The following RBMS1 variants were observed in gnomAD, a reference collection of about 807,000 sequenced individuals.
The protein encoded by RBMS1 is RNA-binding motif, single-stranded-interacting protein 1.
A neutral mutation model predicts 62.3 loss-of-function variants in RBMS1; 17 were observed. That is an observed-to-expected ratio of 0.27 (90% CI 0.19 to 0.41). The LOEUF (loss-of-function observed/expected upper bound fraction) is 0.41. Among genes scored for constraint, RBMS1 ranks in the 10% least tolerant of loss-of-function variants. The pLI, the probability that RBMS1 is intolerant of heterozygous loss-of-function variation, is 1.00. For missense variants in RBMS1, 334 were observed against 504.5 expected, an observed-to-expected ratio of 0.66 and a Z score of 3.24; for synonymous variants, 172 against 170.0, an observed-to-expected ratio of 1.01 and a Z score of -0.09.
intron 1 of RBMS1, among the ~76,000 whole-genome samples, chr2:160,370,321 CA>C (rs1372825893): frequency 6.6e-6 from 1 of 152,072 alleles, no homozygotes; most frequent in Non-Finnish European, 1.5e-5. Context: ...TTTTTAAACC[CA>C]AGATTACGTT....
chr2:160,393,341 C>T (rs1396034677), intron 1 of RBMS1, among the ~76,000 whole-genome samples: 1 of 152,232 alleles, frequency 6.6e-6, no homozygotes, highest in Non-Finnish European at 1.5e-5. Context: ...TATACACTTG[C>T]TCCATACTCT....
At position 160,420,036 on chromosome 2, in the gene RBMS1, G is replaced by A. The variant is rs139648860; in HGVS notation, c.76-52645C>T. On this transcript the variant is annotated intron_variant, in intron 1 of 13. Coordinates refer to ENST00000348849, the MANE Select transcript of RBMS1 (RefSeq NM_016836.4). ...TCCATATCTTTTATGGAGTTTTCTC[G>A]AGCTTGAACTGCTGGAACTCTTCTG... Among the ~76,000 whole-genome samples the A allele has an allele frequency of 8.3e-3, 1,258 of 152,154 alleles. 20 individuals carry two copies. The highest frequency in any genetic ancestry group is 0.027 in the African/African-American group (1,115 of 41,522).
At chr2:160,382,184 C>T (rs1189279290) in intron 1 of RBMS1, among the ~76,000 whole-genome samples, 3 of 152,270 alleles carry the variant, frequency 2.0e-5, no homozygotes, top group East Asian at 1.9e-4. Context: ...ACACCTCCAG[C>T]GTATAAGGAG....
chr2:160,348,008 C>T (rs868015732), intron 2 of RBMS1, among the ~76,000 whole-genome samples: 3 of 151,760 alleles, frequency 2.0e-5, no homozygotes, highest in Non-Finnish European at 4.4e-5. Flanking sequence ...TATTTCCGAG[C>T]TTTGACCATT....
intron 9 of RBMS1, chr2:160,281,792 C>T (rs1260268620): frequency 3.3e-5 from 6 of 180,762 alleles, no homozygotes; most frequent in African/African-American, 7.2e-5. Flanking sequence ...AGAAGCTAAC[C>T]CTTAAAGTAT....
At chr2:160,461,931 G>A (rs1239051572) in intron 1 of RBMS1, among the ~76,000 whole-genome samples, 2 of 152,170 alleles carry the variant, frequency 1.3e-5, no homozygotes, top group East Asian at 1.9e-4. Context: ...GCAGACTGTC[G>A]AGTAGAATCA....
At position 160,493,714 on chromosome 2, in the gene RBMS1, C is replaced by A. The variant is rs1446336803; in HGVS notation, c.-351G>T. The stretch of plus-strand genomic sequence containing the variant: ...CAAGGGCTGGCGCGCTGGCCGCGGT[C>A]CGCTCGGGCGAGCCGGCTGCGCGGG... On this transcript the variant is annotated 5_prime_UTR_variant, in exon 1 of 14. Coordinates refer to ENST00000348849, the MANE Select transcript of RBMS1 (RefSeq NM_016836.4). 1 of 366,174 alleles carries A rather than the reference C, an allele frequency of 2.7e-6. No individual in the cohort carries two copies. The highest frequency in any genetic ancestry group is 2.9e-5 in the South Asian group (1 of 34,716). The allele number at this position is 366,174 out of a possible 1,614,324, so 22.7% of individuals were successfully genotyped here.
intron 9 of RBMS1, chr2:160,282,040 G>A: frequency 2.9e-6 from 1 of 339,000 alleles, no homozygotes; most frequent in Non-Finnish European, 5.8e-6. Flanking sequence ...TTTGTGGCAG[G>A]AAAGAAAGCA....
At chr2:160,289,188 C>G (rs925397378) in intron 6 of RBMS1, among the ~76,000 whole-genome samples, 1 of 152,072 alleles carries the variant, frequency 6.6e-6, no homozygotes, top group Non-Finnish European at 1.5e-5. Flanking sequence ...GGAGTGATGA[C>G]ATGTTTGCAA....
chr2:160,426,294 G>GAAA, intron 1 of RBMS1, among the ~76,000 whole-genome samples: 1 of 66,226 alleles, frequency 1.5e-5, no homozygotes, highest in East Asian at 4.2e-4. Context: ...AGAAAGAAAA[G>GAAA]AAAGAAGGAA....
chr2:160,303,519 T>C lies in RBMS1; in HGVS notation c.403-32A>G, dbSNP rs1275124336. On this transcript the variant is annotated intron_variant, in intron 4 of 13. Transcript: ENST00000348849. ...CAGAAGAGAGTGTTGTCCATTAATT[T>C]CCAACAGAAGGTGAGATATTTATGT... 15 of 1,573,322 alleles carry C rather than the reference T, an allele frequency of 9.5e-6. No homozygotes were observed. In the Admixed American group the frequency reaches 2.7e-4, roughly 28 times the overall value.
intron 1 of RBMS1, among the ~76,000 whole-genome samples, chr2:160,448,442 G>A (rs941082056): frequency 2.0e-5 from 3 of 152,224 alleles, no homozygotes; most frequent in Admixed American, 6.5e-5. Context: ...TTGCAGGCGC[G>A]CGCAGCCACG....
At chr2:160,360,490 T>C (rs1693066217) in intron 2 of RBMS1, among the ~76,000 whole-genome samples, 2 of 152,204 alleles carry the variant, frequency 1.3e-5, no homozygotes, top group Non-Finnish European at 2.9e-5. Context: ...TTAGTCAAGA[T>C]GCTAACAATA....
intron 1 of RBMS1, among the ~76,000 whole-genome samples, chr2:160,414,302 T>C (rs577957070): frequency 3.3e-5 from 5 of 152,172 alleles, no homozygotes; most frequent in Non-Finnish European, 7.4e-5. Context: ...CCAGTTTTTT[T>C]GTTTTTTTGT....
At position 160,318,229 on chromosome 2, in the gene RBMS1, TAAAAAAAAAAAAAAA is replaced by T. The variant is rs5835799; in HGVS notation, c.252-17_252-3del. On this transcript the variant is annotated splice_polypyrimidine_tract_variant and splice_region_variant and intron_variant, in intron 2 of 13. Coordinates refer to ENST00000348849, the MANE Select transcript of RBMS1 (RefSeq NM_016836.4). ...TTTGTGGAGACTATTTTCCCATATC[TAAAAAAAAAAAAAAA>T]AAAAAAAAGGAAAAAAAGAAAAGAA... The T allele has an allele frequency of 2.6e-6, 3 of 1,163,254 alleles. No individual in the cohort carries two copies. Among genetic ancestry groups the T allele is most frequent in the Non-Finnish European group, 3.2e-6 (3 of 929,826 alleles). The allele number at this position is 1,163,254 out of a possible 1,614,324, so 72.1% of individuals were successfully genotyped here.
At chr2:160,356,662 C>T (rs999508433) in intron 2 of RBMS1, among the ~76,000 whole-genome samples, 4 of 152,106 alleles carry the variant, frequency 2.6e-5, no homozygotes, top group East Asian at 1.9e-4. Flanking sequence ...TATGAAGCAG[C>T]AAGAAGGCCC....
intron 1 of RBMS1, among the ~76,000 whole-genome samples, chr2:160,396,796 C>G (rs1342873980): frequency 1.9e-4 from 29 of 152,058 alleles, no homozygotes; most frequent in Admixed American, 1.8e-3. Context: ...AACTCCTGAC[C>G]TCGTAATCCG....
chr2:160,426,280 AG>A (rs1682595094), intron 1 of RBMS1, among the ~76,000 whole-genome samples: 2 of 122,146 alleles, frequency 1.6e-5, no homozygotes, highest in Admixed American at 8.5e-5. Context: ...AAAGAAAGAA[AG>A]AAAGAAAGAA....
At chr2:160,440,483 A>G (rs1334586417) in intron 1 of RBMS1, among the ~76,000 whole-genome samples, 1 of 152,132 alleles carries the variant, frequency 6.6e-6, no homozygotes, top group Non-Finnish European at 1.5e-5. Context: ...CCCAGGAAGG[A>G]TCTCCATGTA....
Sources: gnomAD v4.1 joint callset for allele counts (sites outside exome capture counted in the v4.1 genomes callset) on GRCh38, gnomAD v4.1.1 for gene constraint, MANE v1.5 for transcripts, NCBI Gene and HGNC (gene_info 2026-07-23, HGNC 2026-07-21) for gene names.